The following PER1 variants were observed in gnomAD, a reference collection of about 807,000 sequenced individuals.
PER1 encodes period circadian protein homolog 1.
PER1 carries 87 observed loss-of-function variants against 125.9 expected under a neutral mutation model. That is an observed-to-expected ratio of 0.69 (90% CI 0.58 to 0.83). The LOEUF is 0.83. PER1 is among the 40% of genes least tolerant of loss of function. The pLI is 0.00. For missense variants in PER1, 1,775 were observed against 1,722.8 expected, an observed-to-expected ratio of 1.03 and a Z score of -0.54; for synonymous variants, 801 against 714.7, an observed-to-expected ratio of 1.12 and a Z score of -1.93.
Position 8,150,782 on chromosome 17 carries a change from G to A in PER1, c.-76C>T, listed in dbSNP as rs746139074. On this transcript the variant is annotated 5_prime_UTR_variant, in exon 2 of 23. Coordinates refer to ENST00000317276, the MANE Select transcript of PER1 (RefSeq NM_002616.3). ...ATGCACGAGGGGGCCTGGAGGCTTG[G>A]CTGAGGGAGTGAGGTGGAAGATCTA... is the stretch of plus-strand genomic sequence containing the variant. 11 of 1,365,210 alleles carry A rather than the reference G, an allele frequency of 8.1e-6. No homozygotes were observed. Among genetic ancestry groups the A allele is most frequent in the Non-Finnish European group, 1.1e-5 (11 of 1,016,968 alleles). The allele number at this position is 1,365,210 out of a possible 1,614,324, so 84.6% of individuals were successfully genotyped here. A position where few individuals can be genotyped will look rare whatever the true frequency, so the allele number is the denominator to read the frequency against.
chr17:8,140,493 TAAAAAAGTAGTAA>T lies in PER1; in HGVS notation c.*562_*574del, dbSNP rs1982014903. On this transcript the variant is annotated 3_prime_UTR_variant, in exon 23 of 23. Coordinates refer to ENST00000317276, the MANE Select transcript of PER1 (RefSeq NM_002616.3). Reference sequence around the variant, plus strand: ...CCTGGGCGTTTTTATCTTTTTGTATTAAAAAAGTAGTAACAGACACAAATATCAAAAACACAAA... The same window carrying T: ...CCTGGGCGTTTTTATCTTTTTGTATTCAGACACAAATATCAAAAACACAAA... The T allele has an allele frequency of 4.7e-6, 1 of 210,580 alleles. No individual in the cohort carries two copies. 13.0% of individuals were successfully genotyped at this position (210,580 alleles called of 1,614,324 possible).
chr17:8,144,919 C>A lies in PER1; in HGVS notation c.2293G>T (p.Ala765Ser). Residue 765 changes from alanine (A) to serine (S), a missense_variant, in exon 18 of 23, where the codon GCC (alanine) becomes TCC (serine). Ala to Ser is a moderately conservative substitution (Grantham distance 99). Transcript: ENST00000317276. ...TAGGCGTCTGGGGCTGGGTCAGGGGCTACTGTGGGGCTGGGGGCTGGGCTG... is the reference window on the plus strand; with the variant it reads ...TAGGCGTCTGGGGCTGGGTCAGGGGATACTGTGGGGCTGGGGGCTGGGCTG... Reference protein sequence around the residue: ...APSPAPSPTVAPDPAPDAYRP... With the variant: ...APSPAPSPTVSPDPAPDAYRP... The A allele has an allele frequency of 6.5e-7, 1 of 1,534,746 alleles. No homozygotes were observed. Among genetic ancestry groups the A allele is most frequent in the Non-Finnish European group, 8.8e-7 (1 of 1,138,468 alleles).
Position 8,147,586 on chromosome 17 carries a change from G to A in PER1, c.1389-8C>T, listed in dbSNP as rs1598253874. 1.2e-6 allele frequency: 2 copies of A among 1,613,274 alleles called. No homozygotes were observed. Among genetic ancestry groups the A allele is most frequent in the Admixed American group, 1.7e-5 (1 of 59,994 alleles). On this transcript the variant is annotated splice_region_variant and splice_polypyrimidine_tract_variant and intron_variant, in intron 11 of 22. Transcript: ENST00000317276. ...TCCTCATTCAGGGGGGCCCTGTAGAGTGAAGAGTGAATCCAGCCCTGGCCC... is the reference window on the plus strand; with the variant it reads ...TCCTCATTCAGGGGGGCCCTGTAGAATGAAGAGTGAATCCAGCCCTGGCCC...
intron 1 of PER1, among the ~76,000 whole-genome samples, chr17:8,151,775 G>A (rs1027646021): frequency 3.3e-5 from 5 of 151,746 alleles, no homozygotes; most frequent in East Asian, 3.9e-4. Flanking sequence ...CCAACCCCAA[G>A]CCTTGGGCAG....
At chr17:8,147,861 G>A (rs1567536139) in intron 10 of PER1, 34 bp from the exon 11 acceptor site, 1 of 1,612,216 alleles carries the variant, frequency 6.2e-7, no homozygotes, top group Admixed American at 1.7e-5. Flanking sequence ...GCGGTCAAAG[G>A]GAGGGAGAGC....
At position 8,150,350 on chromosome 17, in the gene PER1, G is replaced by A. The variant is rs556855791; in HGVS notation, c.276-33C>T. ...ACAGCAACAGGCCCAGTTACAGGTAGGGCCAGCAGTGCGAGGCCTGTCACC... is the reference window on the plus strand; with the variant it reads ...ACAGCAACAGGCCCAGTTACAGGTAAGGCCAGCAGTGCGAGGCCTGTCACC... On this transcript the variant is annotated intron_variant, in intron 2 of 22. Coordinates refer to ENST00000317276, the MANE Select transcript of PER1 (RefSeq NM_002616.3). 23 of 1,547,074 alleles carry A rather than the reference G, an allele frequency of 1.5e-5. No homozygotes were observed. The South Asian group carries it at 2.7e-4, about 18-fold the overall frequency.
chr17:8,150,754 C>A lies in PER1; in HGVS notation c.-48G>T. The stretch of plus-strand genomic sequence containing the variant: ...AACAGAGAAGGCAGAGAGGCCACCA[C>A]GGATGCACGAGGGGGCCTGGAGGCT... On this transcript the variant is annotated 5_prime_UTR_variant, in exon 2 of 23. Transcript: ENST00000317276. The A allele has an allele frequency of 6.7e-7, 1 of 1,482,530 alleles. No homozygotes were observed. The highest frequency in any genetic ancestry group is 8.9e-7 in the Non-Finnish European group (1 of 1,119,768). The allele number at this position is 1,482,530 out of a possible 1,614,324, so 91.8% of individuals were successfully genotyped here.
chr17:8,146,844 G>A, intron 14 of PER1, 53 bp downstream of exon 14: 2 of 1,604,656 alleles, frequency 1.2e-6, no homozygotes, highest in Admixed American at 3.4e-5. Context: ...GGGGGTGAAG[G>A]TCAGGGGACC....
rs1438452883 is a variant in PER1, at chr17:8,147,805, G to A, written c.1257C>T (p.Pro419=). 1 of 1,613,928 alleles carries A rather than the reference G, an allele frequency of 6.2e-7. No individual in the cohort carries two copies. The highest frequency in any genetic ancestry group is 1.1e-5 in the South Asian group (1 of 91,086). The change falls in exon 11 of 23, where the codon CCC becomes CCT. Residue 419 remains proline, a synonymous_variant. Coordinates refer to ENST00000317276, the MANE Select transcript of PER1 (RefSeq NM_002616.3). ...HKKILQLAGQ[P]FDHSPIRFCA... ...AGAAGCGGATAGGGGAGTGGTCAAA[G>A]GGCTGGCCCGCCAACTGCAGAACTG...
chr17:8,140,748 T>A lies in PER1; in HGVS notation c.*320A>T. 2 of 314,780 alleles carry A rather than the reference T, an allele frequency of 6.4e-6. No individual in the cohort carries two copies. Among genetic ancestry groups the A allele is most frequent in the Non-Finnish European group, 1.2e-5 (2 of 167,128 alleles). The allele number at this position is 314,780 out of a possible 1,614,324, so 19.5% of individuals were successfully genotyped here. On this transcript the variant is annotated 3_prime_UTR_variant, in exon 23 of 23. Transcript: ENST00000317276. ...TAAGTGCAGCCCCAACCCTCAAGAG[T>A]CAGATTCAGGCTCAGCTGGAATATG... is the stretch of plus-strand genomic sequence containing the variant.
intron 9 of PER1, 25 bp downstream of exon 9, chr17:8,148,156 C>G (rs780079410): frequency 4.3e-6 from 7 of 1,612,916 alleles, no homozygotes; most frequent in East Asian, 4.5e-5. Flanking sequence ...TGGCTGCCCT[C>G]GTCTCCTCTA....
Position 8,142,401 on chromosome 17 carries a change from G to C in PER1, c.3317C>G (p.Ala1106Gly). ...CCCGCCCCGAGCAGCCCCAGCCTCAGCCTCGGAAGAGTCGATGCTGCCAAA... is the reference window on the plus strand; with the variant it reads ...CCCGCCCCGAGCAGCCCCAGCCTCACCCTCGGAAGAGTCGATGCTGCCAAA... Reference protein sequence around the residue: ...KYFGSIDSSEAEAGAARGGAE... With the variant: ...KYFGSIDSSEGEAGAARGGAE... Residue 1106 changes from alanine to glycine, a missense_variant, in exon 21 of 23, where the codon GCT (alanine) becomes GGT (glycine). By Grantham distance (60) the Ala-to-Gly change is moderately conservative (BLOSUM62 0). Coordinates refer to ENST00000317276, the MANE Select transcript of PER1 (RefSeq NM_002616.3). 8 of 1,609,628 alleles carry C rather than the reference G, an allele frequency of 5.0e-6. No individual in the cohort carries two copies. Among genetic ancestry groups the C allele is most frequent in the Non-Finnish European group, 6.8e-6 (8 of 1,178,376 alleles).
At position 8,149,323 on chromosome 17, in the gene PER1, G is replaced by A. The variant is rs1982676447; in HGVS notation, c.854-13C>T. ...CTGAGGCCTGAACCTGGGACAGACAGGAGAGGAGTGAGCACAGCTTCCTGC... is the reference window on the plus strand; with the variant it reads ...CTGAGGCCTGAACCTGGGACAGACAAGAGAGGAGTGAGCACAGCTTCCTGC... On this transcript the variant is annotated splice_polypyrimidine_tract_variant and intron_variant, in intron 6 of 22. Transcript: ENST00000317276. 2.5e-6 allele frequency: 4 copies of A among 1,613,940 alleles called. No individual in the cohort carries two copies. Among genetic ancestry groups the A allele is most frequent in the South Asian group, 1.1e-5 (1 of 91,082 alleles).
chr17:8,142,520 C>T (rs1305307386), intron 20 of PER1, 62 bp from the exon 21 acceptor site: 20 of 1,546,896 alleles, frequency 1.3e-5, no homozygotes, highest in Non-Finnish European at 1.5e-5. Flanking sequence ...CCTGGGACCT[C>T]ACAAGGCCTC....
rs201102174 is a variant in PER1 at position 8,142,468 on chromosome 17, G to T, written c.3260-10C>A. 106 of 1,569,260 alleles carry T rather than the reference G, an allele frequency of 6.8e-5. No individual in the cohort carries two copies. The highest frequency in any genetic ancestry group is 4.8e-5 in the South Asian group (4 of 84,082). Reference sequence around the variant, plus strand: ...CTGCTCTGGCTGCTGCCTGTGAAGTGGGGGGCAGACCAATGGGAGTCAGGC... The same window carrying T: ...CTGCTCTGGCTGCTGCCTGTGAAGTTGGGGGCAGACCAATGGGAGTCAGGC... On this transcript the variant is annotated splice_polypyrimidine_tract_variant and intron_variant, in intron 20 of 22. Transcript: ENST00000317276.
At chr17:8,151,317 G>GA in intron 1 of PER1, among the ~76,000 whole-genome samples, 1 of 152,244 alleles carries the variant, frequency 6.6e-6, no homozygotes, top group Non-Finnish European at 1.5e-5. Flanking sequence ...GGTCGCCAGG[G>GA]AAACCGACGT....
In PER1 at chr17:8,148,275, T is replaced by C. The variant is rs774542956; in HGVS notation, c.1049-16A>G. ...ATCCGGGGAGCTGAGGCACAGAGAG[T>C]GTGGTCACTGGGTTTCGTCCAGAAT... On this transcript the variant is annotated splice_polypyrimidine_tract_variant and intron_variant, in intron 8 of 22. Transcript: ENST00000317276. 5.0e-6 allele frequency: 8 copies of C among 1,607,904 alleles called. No individual in the cohort carries two copies. The highest frequency in any genetic ancestry group is 4.4e-5 in the South Asian group (4 of 90,888).
chr17:8,143,627 G>T lies in PER1; in HGVS notation c.2711C>A (p.Ser904Tyr), dbSNP rs746567956. 9.0e-6 allele frequency: 13 copies of T among 1,450,008 alleles called. No individual in the cohort carries two copies. The highest frequency in any genetic ancestry group is 1.4e-5 in the African/African-American group (1 of 69,800). 89.8% of individuals were successfully genotyped at this position (1,450,008 alleles called of 1,614,324 possible). ...GPQPLPPAPTSVPPAAFPAPL... is the reference protein window; with the variant it reads ...GPQPLPPAPTYVPPAAFPAPL... ...GGCGGGGAAAGCAGCTGGGGGCACA[G>T]ATGTGGGAGCAGGGGGAAGAGGCTG... The change falls in exon 19 of 23, where the codon TCT becomes TAT. Residue 904 changes from serine (S) to tyrosine (Y), a missense_variant. Transcript: ENST00000317276.
rs1163081158 is a variant in PER1, at chr17:8,140,883, C to G, written c.*185G>C. The G allele has an allele frequency of 4.7e-6, 3 of 639,630 alleles. No individual in the cohort carries two copies. The highest frequency in any genetic ancestry group is 8.1e-6 in the Non-Finnish European group (3 of 372,054). The allele number at this position is 639,630 out of a possible 1,614,324, so 39.6% of individuals were successfully genotyped here. A position where few individuals can be genotyped will look rare whatever the true frequency, so the allele number is the denominator to read the frequency against. ...GGGCTGGGCTGCGGAGTTCTGCTCT[C>G]TGCTCCCTAAGAGGCCAGAGGCAGC... is the stretch of plus-strand genomic sequence containing the variant. On this transcript the variant is annotated 3_prime_UTR_variant, in exon 23 of 23. Transcript: ENST00000317276.
Sources: gnomAD v4.1 joint callset for allele counts (sites outside exome capture counted in the v4.1 genomes callset) on GRCh38, gnomAD v4.1.1 for gene constraint, MANE v1.5 for transcripts, NCBI Gene and HGNC (gene_info 2026-07-23, HGNC 2026-07-21) for gene names.